Variants in EFNB2 observed in about 807,000 individuals in gnomAD.
The protein encoded by EFNB2 is ephrin B2, also known as ephrin-B2.
EFNB2 carries 5 observed loss-of-function variants against 32.1 expected under a neutral mutation model. The observed-to-expected ratio is 0.16, with a 90% CI of 0.08 to 0.33. The LOEUF is 0.33. EFNB2 is among the 10% of genes least tolerant of loss of function. The probability of loss-of-function intolerance (pLI) is 1.00; values close to 1 mark genes in which losing one functional copy is unlikely to be tolerated. For missense variants in EFNB2, 263 were observed against 422.6 expected, an observed-to-expected ratio of 0.62 and a Z score of 3.31; for synonymous variants, 168 against 166.5, an observed-to-expected ratio of 1.01 and a Z score of -0.07.
chr13:106,531,032 ACT>A (rs1284602320), intron 1 of EFNB2, among the ~76,000 whole-genome samples: 1 of 152,158 alleles, frequency 6.6e-6, no homozygotes, highest in East Asian at 1.9e-4. Flanking sequence ...CTGTCCACAC[ACT>A]TTAGCTTAAG....
chr13:106,491,624 C>T lies in EFNB2; in HGVS notation c.*1416G>A, dbSNP rs1878407690. The T allele has an allele frequency of 6.6e-6, 1 of 152,610 alleles. No individual in the cohort carries two copies. The highest frequency in any genetic ancestry group is 1.5e-5 in the Non-Finnish European group (1 of 68,084). The allele number at this position is 152,610 out of a possible 1,614,324, so 9.5% of individuals were successfully genotyped here. ...CTGCCGTATGTGCTTCACCTTGACACAGAGCACCGGGCGCTGCAGCCTCCA... is the reference window on the plus strand; with the variant it reads ...CTGCCGTATGTGCTTCACCTTGACATAGAGCACCGGGCGCTGCAGCCTCCA... On this transcript the variant is annotated 3_prime_UTR_variant, in exon 5 of 5. Transcript: ENST00000646441.
At chr13:106,503,775 A>AAT (rs911914952) in intron 2 of EFNB2, among the ~76,000 whole-genome samples, 2 of 152,044 alleles carry the variant, frequency 1.3e-5, no homozygotes, top group Admixed American at 6.6e-5. Flanking sequence ...AAAAAAAAAA[A>AAT]GTCATTCTTG....
At chr13:106,507,585 G>T (rs1379304737) in intron 2 of EFNB2, among the ~76,000 whole-genome samples, 1 of 152,004 alleles carries the variant, frequency 6.6e-6, no homozygotes, top group Non-Finnish European at 1.5e-5. Flanking sequence ...AAATAGCAAA[G>T]CTGTTTGTGA....
intron 2 of EFNB2, among the ~76,000 whole-genome samples, chr13:106,509,620 A>G (rs987810502): frequency 1.5e-4 from 19 of 126,388 alleles, no homozygotes; most frequent in Non-Finnish European, 2.9e-4. Flanking sequence ...GCCAGTACAG[A>G]GCTTGACTGT....
intron 2 of EFNB2, among the ~76,000 whole-genome samples, chr13:106,503,208 C>T (rs1048375608): frequency 2.0e-5 from 3 of 151,242 alleles, no homozygotes; most frequent in African/African-American, 2.4e-5. Flanking sequence ...AAAGTTATGA[C>T]GATTTATGCA....
chr13:106,514,102 T>A (rs1421041537), intron 1 of EFNB2, among the ~76,000 whole-genome samples: 1 of 152,178 alleles, frequency 6.6e-6, no homozygotes, highest in Non-Finnish European at 1.5e-5. Flanking sequence ...GAAAAATGTA[T>A]GTGGCTGTTA....
intron 2 of EFNB2, among the ~76,000 whole-genome samples, chr13:106,498,708 A>G (rs964832546): frequency 6.6e-6 from 1 of 152,152 alleles, no homozygotes; most frequent in African/African-American, 2.4e-5. Context: ...CAAGTCTTAG[A>G]GTTGAAGAAG....
At chr13:106,508,503 A>T (rs1044988463) in intron 2 of EFNB2, among the ~76,000 whole-genome samples, 1 of 152,104 alleles carries the variant, frequency 6.6e-6, no homozygotes, top group African/African-American at 2.4e-5. Context: ...AGATTAGGAG[A>T]TCTCATTATG....
At chr13:106,515,106 C>T (rs543125952) in intron 1 of EFNB2, among the ~76,000 whole-genome samples, 212 of 152,238 alleles carry the variant, frequency 1.4e-3, no homozygotes, top group Non-Finnish European at 1.8e-3. Flanking sequence ...GCAAGTCACT[C>T]CTCTTGACTC....
rs375125044 is a variant in EFNB2, at chr13:106,526,766, C to T, written c.122+8077G>A. On this transcript the variant is annotated intron_variant, in intron 1 of 4. Transcript: ENST00000646441. ...ACTCACTCATGAGACAATTCTGATT[C>T]TGGGCAAATGTTTTAGGGCCATGGT... 1.9e-4 allele frequency among the ~76,000 whole-genome samples: 29 copies of T among 152,278 alleles called. No homozygotes were observed. The East Asian group carries it at 5.6e-3, about 29-fold the overall frequency.
intron 2 of EFNB2, 137 bp downstream of exon 2, chr13:106,512,392 A>AAAAGG: frequency 1.0e-5 from 3 of 300,380 alleles, no homozygotes; most frequent in East Asian, 6.3e-5. Flanking sequence ...AAAAAAAAAA[A>AAAAGG]GGGGGGGGGG....
intron 1 of EFNB2, chr13:106,520,740 C>T (rs891171782): frequency 2.0e-5 from 3 of 151,064 alleles, no homozygotes; most frequent in African/African-American, 7.3e-5. Flanking sequence ...AAGACACAGG[C>T]AGTAATAAGA....
intron 1 of EFNB2, chr13:106,520,166 T>A (rs1354648756): frequency 6.6e-6 from 1 of 152,258 alleles, no homozygotes; most frequent in African/African-American, 2.4e-5. Flanking sequence ...ATCACAGGTT[T>A]ATTCCCAAGC....
intron 1 of EFNB2, among the ~76,000 whole-genome samples, chr13:106,530,698 C>T (rs1442904275): frequency 6.6e-6 from 1 of 152,172 alleles, no homozygotes; most frequent in Non-Finnish European, 1.5e-5. Context: ...ACTGCAGTCA[C>T]GCTGGGATCT....
intron 1 of EFNB2, among the ~76,000 whole-genome samples, chr13:106,527,284 AAAC>A (rs1317298626): frequency 6.6e-5 from 10 of 151,842 alleles, no homozygotes; most frequent in African/African-American, 1.4e-4. Flanking sequence ...TAATACATAA[AAAC>A]AACAATAAAA....
chr13:106,500,538 T>C (rs1566456007), intron 2 of EFNB2, among the ~76,000 whole-genome samples: 1 of 152,198 alleles, frequency 6.6e-6, no homozygotes, highest in Admixed American at 6.5e-5. Flanking sequence ...ATCAACTCCG[T>C]TGAAGAAGTC....
chr13:106,529,747 GAC>G (rs1167895346), intron 1 of EFNB2, among the ~76,000 whole-genome samples: 5 of 152,164 alleles, frequency 3.3e-5, no homozygotes, highest in African/African-American at 9.7e-5. Context: ...TTATCTGAAA[GAC>G]AGAAAATGGT....
At chr13:106,494,152 T>C (rs1338289173) in intron 4 of EFNB2, among the ~76,000 whole-genome samples, 1 of 152,210 alleles carries the variant, frequency 6.6e-6, no homozygotes, top group Non-Finnish European at 1.5e-5. Flanking sequence ...CCTCCTTGAC[T>C]CTTGGAAAGG....
chr13:106,533,102 G>GAA (rs61297084), intron 1 of EFNB2, among the ~76,000 whole-genome samples: 46,556 of 147,252 alleles, frequency 0.32, 8,801 homozygotes, highest in East Asian at 0.67. Flanking sequence ...ATCCTCATAA[G>GAA]AAAAAAAAAA....
Sources: gnomAD v4.1 joint callset for allele counts (sites outside exome capture counted in the v4.1 genomes callset) on GRCh38, gnomAD v4.1.1 for gene constraint, MANE v1.5 for transcripts, NCBI Gene and HGNC (gene_info 2026-07-23, HGNC 2026-07-21) for gene names.